The following NTNG1 variants were observed in gnomAD, a reference collection of about 807,000 sequenced individuals.
The protein encoded by NTNG1 is netrin-G1.
A neutral mutation model predicts 54.0 loss-of-function variants in NTNG1; 16 were observed. The ratio of observed to expected loss-of-function variants is 0.30; its 90% confidence interval spans 0.20 to 0.45. The LOEUF (loss-of-function observed/expected upper bound fraction) is 0.45. Ranked by LOEUF, NTNG1 falls within the 20% of genes least tolerant of loss-of-function variation. NTNG1 has a pLI of 1.00. For missense variants in NTNG1, 530 were observed against 678.7 expected (o/e 0.78, Z 2.43); for synonymous variants, 255 against 263.1 (o/e 0.97, Z 0.30).
chr1:107,404,840 G>A, intron 4 of NTNG1, among the ~76,000 whole-genome samples: 1 of 152,098 alleles, frequency 6.6e-6, no homozygotes, highest in East Asian at 1.9e-4. Flanking sequence ...CAGTTTCAAA[G>A]GTAATAATAT....
At chr1:107,395,989 T>C (rs1672659819) in intron 4 of NTNG1, among the ~76,000 whole-genome samples, 1 of 152,186 alleles carries the variant, frequency 6.6e-6, no homozygotes, top group Non-Finnish European at 1.5e-5. Context: ...ACAGAAACCA[T>C]CTGTGTGCCC....
chr1:107,154,075 T>C (rs1654785090), intron 2 of NTNG1, among the ~76,000 whole-genome samples: 1 of 152,128 alleles, frequency 6.6e-6, no homozygotes, highest in Non-Finnish European at 1.5e-5. Flanking sequence ...TGGAGATAAC[T>C]AATGTCGAAT....
At chr1:107,410,873 C>G (rs1673753833) in intron 5 of NTNG1, among the ~76,000 whole-genome samples, 2 of 151,992 alleles carry the variant, frequency 1.3e-5, no homozygotes, top group Admixed American at 1.3e-4. Flanking sequence ...CATAATTAGA[C>G]CAGCAAGAAT....
chr1:107,151,695 G>T (rs940931739), intron 2 of NTNG1, among the ~76,000 whole-genome samples: 2 of 152,088 alleles, frequency 1.3e-5, no homozygotes, highest in Admixed American at 1.3e-4. Flanking sequence ...ATTGCATTAA[G>T]AGTCCGTGTT....
chr1:107,297,216 C>CATATAT (rs755223720), intron 2 of NTNG1, among the ~76,000 whole-genome samples: 86 of 15,484 alleles, frequency 5.6e-3, no homozygotes, highest in African/African-American at 0.012. Flanking sequence ...TATATACCAT[C>CATATAT]ATATATATAT....
chr1:107,411,729 G>T (rs974940666), intron 5 of NTNG1, among the ~76,000 whole-genome samples: 3 of 152,146 alleles, frequency 2.0e-5, no homozygotes, highest in South Asian at 4.1e-4. Flanking sequence ...TGCATGGTGT[G>T]CTACATTAAT....
intron 3 of NTNG1, among the ~76,000 whole-genome samples, chr1:107,350,269 A>G (rs1669523476): frequency 6.6e-6 from 1 of 152,188 alleles, no homozygotes; most frequent in South Asian, 2.1e-4. Context: ...ATAGAAATAT[A>G]TAATCAGGAT....
chr1:107,294,683 A>G (rs924206508), intron 2 of NTNG1, among the ~76,000 whole-genome samples: 2 of 152,172 alleles, frequency 1.3e-5, no homozygotes, highest in African/African-American at 4.8e-5. Flanking sequence ...AAAGTGGTCA[A>G]TTTGGTGAGA....
At chr1:107,298,673 T>C (rs779854729) in intron 2 of NTNG1, among the ~76,000 whole-genome samples, 4 of 152,182 alleles carry the variant, frequency 2.6e-5, no homozygotes, top group Admixed American at 6.6e-5. Context: ...CAATCAATAG[T>C]GTCCTACAGT....
intron 7 of NTNG1, among the ~76,000 whole-genome samples, chr1:107,478,966 G>A (rs984708389): frequency 3.3e-5 from 5 of 152,238 alleles, no homozygotes; most frequent in Admixed American, 2.0e-4. Context: ...CTAATATTAT[G>A]ATTTCTAAGC....
chr1:107,420,435 A>G (rs1258420379), intron 5 of NTNG1, among the ~76,000 whole-genome samples: 1 of 152,030 alleles, frequency 6.6e-6, no homozygotes, highest in African/African-American at 2.4e-5. Context: ...TGTTTTGGCT[A>G]TTTTCACAAG....
intron 2 of NTNG1, among the ~76,000 whole-genome samples, chr1:107,286,563 G>A (rs1665215069): frequency 6.6e-6 from 1 of 152,112 alleles, no homozygotes; most frequent in Non-Finnish European, 1.5e-5. Flanking sequence ...TTATGCAGAG[G>A]CATTATATGA....
At chr1:107,405,852 T>C (rs1443184001) in intron 4 of NTNG1, among the ~76,000 whole-genome samples, 2 of 151,934 alleles carry the variant, frequency 1.3e-5, no homozygotes, top group African/African-American at 4.8e-5. Context: ...CATATCTCAC[T>C]CAACAGAGGA....
At chr1:107,298,241 A>G (rs980785250) in intron 2 of NTNG1, among the ~76,000 whole-genome samples, 4 of 152,162 alleles carry the variant, frequency 2.6e-5, no homozygotes, top group Non-Finnish European at 5.9e-5. Flanking sequence ...TAATGACACC[A>G]ACTGTATCTT....
intron 7 of NTNG1, among the ~76,000 whole-genome samples, chr1:107,469,852 C>A (rs376421233): frequency 1.3e-5 from 2 of 151,966 alleles, no homozygotes; most frequent in African/African-American, 4.8e-5. Flanking sequence ...AGTGCAGGTA[C>A]GTACAAGGGC....
At chr1:107,328,308 G>A (rs1668082116) in intron 3 of NTNG1, among the ~76,000 whole-genome samples, 1 of 152,044 alleles carries the variant, frequency 6.6e-6, no homozygotes, top group African/African-American at 2.4e-5. Flanking sequence ...ATTAAAGAGC[G>A]GCTCTCTTAG....
chr1:107,322,818 T>C (rs1204341106), intron 2 of NTNG1, among the ~76,000 whole-genome samples: 1 of 152,094 alleles, frequency 6.6e-6, no homozygotes, highest in Non-Finnish European at 1.5e-5. Flanking sequence ...CCTCAAATAA[T>C]GTACCTTCTC....
chr1:107,223,114 C>T (rs1660457487), intron 2 of NTNG1, among the ~76,000 whole-genome samples: 1 of 151,964 alleles, frequency 6.6e-6, no homozygotes, highest in Admixed American at 6.6e-5. Flanking sequence ...GTGGAATATG[C>T]ATTTTGACAA....
At position 107,157,584 on chromosome 1, in the gene NTNG1, G is replaced by C. The variant is rs191743374; in HGVS notation, c.246+8745G>C. The stretch of plus-strand genomic sequence containing the variant: ...CAAAATTATCTTATTCCCACCATCT[G>C]TTTTCCTAAGGTTATAATGTTTTAA... On this transcript the variant is annotated intron_variant, in intron 2 of 7. Transcript: ENST00000370068. Among the ~76,000 whole-genome samples, 427 of 152,176 alleles carry C rather than the reference G, an allele frequency of 2.8e-3. 3 individuals carry two copies. Among genetic ancestry groups the C allele is most frequent in the African/African-American group, 9.9e-3 (411 of 41,538 alleles).
Sources: gnomAD v4.1 joint callset for allele counts (sites outside exome capture counted in the v4.1 genomes callset) on GRCh38, gnomAD v4.1.1 for gene constraint, MANE v1.5 for transcripts, NCBI Gene and HGNC (gene_info 2026-07-23, HGNC 2026-07-21) for gene names.